Variants in AUH observed in about 807,000 individuals in gnomAD.
AUH encodes the protein AU RNA binding methylglutaconyl-CoA hydratase.
AUH carries 29 observed loss-of-function variants against 42.3 expected under a neutral mutation model. The ratio of observed to expected loss-of-function variants is 0.69; its 90% confidence interval spans 0.51 to 0.93. The LOEUF (loss-of-function observed/expected upper bound fraction) is 0.93, where lower values mean the gene tolerates loss of function less well. Ranked by LOEUF, AUH falls within the 40% of genes least tolerant of loss-of-function variation. The probability of loss-of-function intolerance (pLI) is 0.00; values close to 1 mark genes in which losing one functional copy is unlikely to be tolerated. For missense variants in AUH, 452 were observed against 438.1 expected (o/e 1.03, Z -0.28); for synonymous variants, 174 against 166.4 (o/e 1.05, Z -0.35).
At chr9:91,245,710 C>T (rs938861779) in intron 6 of AUH, among the ~76,000 whole-genome samples, 1 of 152,168 alleles carries the variant, frequency 6.6e-6, no homozygotes, top group Non-Finnish European at 1.5e-5. Flanking sequence ...CTTCCACCTA[C>T]CCCAGGATGT....
chr9:91,214,605 C>A (rs188810905), intron 9 of AUH, among the ~76,000 whole-genome samples, 180 bp from the exon 10 acceptor site: 1 of 152,264 alleles, frequency 6.6e-6, no homozygotes, highest in Admixed American at 6.5e-5. Flanking sequence ...TCCTCTACCC[C>A]ATTTTGCTCT....
intron 7 of AUH, among the ~76,000 whole-genome samples, chr9:91,220,198 A>G (rs1384140371): frequency 6.6e-6 from 1 of 152,214 alleles, no homozygotes; most frequent in Non-Finnish European, 1.5e-5. Flanking sequence ...ATCACTCCTG[A>G]GTCAGCCATA....
chr9:91,347,208 G>A (rs1015005596), intron 3 of AUH, among the ~76,000 whole-genome samples: 1 of 98,834 alleles, frequency 1.0e-5, no homozygotes, highest in African/African-American at 3.2e-5. Context: ...CAGTTAAGAG[G>A]GTTTTTTGTT....
intron 4 of AUH, among the ~76,000 whole-genome samples, chr9:91,324,007 G>A (rs1233141517): frequency 6.6e-6 from 1 of 151,794 alleles, no homozygotes; most frequent in Non-Finnish European, 1.5e-5. Flanking sequence ...AACCTTCAAG[G>A]AAAAAGAATA....
intron 6 of AUH, among the ~76,000 whole-genome samples, chr9:91,250,776 C>T (rs1205228885): frequency 6.6e-6 from 1 of 152,208 alleles, no homozygotes; most frequent in Non-Finnish European, 1.5e-5. Flanking sequence ...TGATGTCCTC[C>T]GTCTTTTGAC....
intron 3 of AUH, among the ~76,000 whole-genome samples, chr9:91,331,476 T>C (rs550936589): frequency 6.6e-6 from 1 of 152,362 alleles, no homozygotes; most frequent in Non-Finnish European, 1.5e-5. Flanking sequence ...ACATTTTAAA[T>C]GAACTTTATA....
At chr9:91,313,945 T>C (rs1176310645) in intron 4 of AUH, among the ~76,000 whole-genome samples, 1 of 150,692 alleles carries the variant, frequency 6.6e-6, no homozygotes, top group Non-Finnish European at 1.5e-5. Context: ...TGCCTCAGCC[T>C]CCTGAGTAGC....
intron 7 of AUH, among the ~76,000 whole-genome samples, chr9:91,217,846 C>T (rs994547711): frequency 1.3e-5 from 2 of 152,178 alleles, no homozygotes; most frequent in Non-Finnish European, 2.9e-5. Context: ...CTAAGCAGTG[C>T]TCCCACAGCA....
chr9:91,332,956 T>C (rs780905999), intron 3 of AUH, among the ~76,000 whole-genome samples: 3 of 152,148 alleles, frequency 2.0e-5, no homozygotes, highest in Non-Finnish European at 2.9e-5. Flanking sequence ...CTCGCTCTCT[T>C]ATCAGGAAAG....
chr9:91,233,410 AT>A (rs1282013292), intron 6 of AUH, among the ~76,000 whole-genome samples: 1 of 152,150 alleles, frequency 6.6e-6, no homozygotes, highest in Non-Finnish European at 1.5e-5. Context: ...TGTGGGTCCC[AT>A]GGGCCCAAAA....
intron 4 of AUH, among the ~76,000 whole-genome samples, chr9:91,306,101 C>T (rs1018128593): frequency 6.6e-6 from 1 of 152,098 alleles, no homozygotes; most frequent in South Asian, 2.1e-4. Context: ...TGACTGTAAT[C>T]GAGTTCTGAC....
chr9:91,268,082 CCA>C (rs1432613717), intron 6 of AUH, among the ~76,000 whole-genome samples: 2 of 152,298 alleles, frequency 1.3e-5, no homozygotes, highest in African/African-American at 4.8e-5. Flanking sequence ...GACTAAAACC[CCA>C]CAGAGTCAAC....
At chr9:91,227,999 T>A (rs974625966) in intron 6 of AUH, among the ~76,000 whole-genome samples, 5 of 152,202 alleles carry the variant, frequency 3.3e-5, no homozygotes. Flanking sequence ...ATCAAGGATA[T>A]TGGTCTAAAA....
chr9:91,320,435 T>C (rs987889467), intron 4 of AUH, among the ~76,000 whole-genome samples: 1 of 152,206 alleles, frequency 6.6e-6, no homozygotes, highest in African/African-American at 2.4e-5. Flanking sequence ...CAACCACTCA[T>C]ACACTGCCCA....
chr9:91,224,995 T>G (rs775180245), intron 6 of AUH, among the ~76,000 whole-genome samples: 7 of 152,226 alleles, frequency 4.6e-5, no homozygotes, highest in Non-Finnish European at 1.5e-5. Context: ...ATGATTGATA[T>G]GGAATCTAAG....
intron 6 of AUH, among the ~76,000 whole-genome samples, chr9:91,223,992 CA>C (rs1827286056): frequency 6.6e-6 from 1 of 152,188 alleles, no homozygotes; most frequent in African/African-American, 2.4e-5. Context: ...TTTTCTTACA[CA>C]TTGTTACATT....
chr9:91,340,127 C>G (rs1243440350), intron 3 of AUH, among the ~76,000 whole-genome samples: 5 of 152,192 alleles, frequency 3.3e-5, no homozygotes, highest in African/African-American at 7.2e-5. Context: ...TTACACTGAG[C>G]TGAAAGGCAT....
chr9:91,283,024 C>G (rs989182583), intron 6 of AUH, among the ~76,000 whole-genome samples: 5 of 152,064 alleles, frequency 3.3e-5, no homozygotes, highest in Admixed American at 2.0e-4. Context: ...GAGAATTTTA[C>G]ACCAATATCC....
At chr9:91,318,087 T>C (rs915287961) in intron 4 of AUH, among the ~76,000 whole-genome samples, 1 of 152,226 alleles carries the variant, frequency 6.6e-6, no homozygotes, top group Non-Finnish European at 1.5e-5. Context: ...TACACTAGTC[T>C]GAAATAATGA....
Sources: gnomAD v4.1 joint callset for allele counts (sites outside exome capture counted in the v4.1 genomes callset) on GRCh38, gnomAD v4.1.1 for gene constraint, MANE v1.5 for transcripts, NCBI Gene and HGNC (gene_info 2026-07-23, HGNC 2026-07-21) for gene names.